Variants in PTN observed in about 807,000 individuals in gnomAD.
PTN encodes the protein heparin affin regulatory protein.
PTN carries 18 observed loss-of-function variants against 24.1 expected under a neutral mutation model. The ratio of observed to expected loss-of-function variants is 0.75; its 90% CI spans 0.52 to 1.11. The LOEUF (loss-of-function observed/expected upper bound fraction) is 1.11. Ranked by LOEUF, PTN falls within the 50% of genes least tolerant of loss-of-function variation. The pLI is 0.00. For synonymous variants in PTN, 78 were observed against 68.6 expected (o/e 1.14, Z -0.67); for missense variants, 163 against 198.8 (o/e 0.82, Z 1.08).
intron 1 of PTN, among the ~76,000 whole-genome samples, chr7:137,290,717 G>GC (rs1253171051): frequency 6.6e-6 from 1 of 152,060 alleles, no homozygotes; most frequent in Non-Finnish European, 1.5e-5. Flanking sequence ...TTGGAGGTGA[G>GC]CTGGGGTGGC....
At chr7:137,286,114 G>A (rs748524788) in intron 1 of PTN, among the ~76,000 whole-genome samples, 1 of 152,160 alleles carries the variant, frequency 6.6e-6, no homozygotes, top group African/African-American at 2.4e-5. Context: ...GTCATTTAGG[G>A]TGGAGTCAAA....
rs531029607 is a variant in PTN at position 137,239,687 on chromosome 7, G to A, written c.451+11543C>T. Among the ~76,000 whole-genome samples the A allele has an allele frequency of 1.4e-4, 21 of 152,200 alleles. No individual in the cohort carries two copies. In the South Asian group the frequency reaches 3.7e-3, roughly 27 times the overall value. ...GTTCTTGCGATAGTTTACTGAGAAT[G>A]ATGATTTCCAATTTCATCCATGTCC... On this transcript the variant is annotated intron_variant, in intron 4 of 4. Transcript: ENST00000348225.
At chr7:137,302,183 T>C (rs1809816718) in intron 1 of PTN, among the ~76,000 whole-genome samples, 1 of 152,020 alleles carries the variant, frequency 6.6e-6, no homozygotes, top group Non-Finnish European at 1.5e-5. Context: ...AACCATTTTG[T>C]GAAGCACACA....
chr7:137,288,024 A>G (rs572986278), intron 1 of PTN, among the ~76,000 whole-genome samples: 1 of 152,308 alleles, frequency 6.6e-6, no homozygotes, highest in Admixed American at 6.5e-5. Context: ...CCTTGACTAC[A>G]TCTTAGTGTC....
At chr7:137,263,664 A>G (rs1248796892) in intron 1 of PTN, among the ~76,000 whole-genome samples, 1 of 152,040 alleles carries the variant, frequency 6.6e-6, no homozygotes, top group Non-Finnish European at 1.5e-5. Flanking sequence ...ATTATTTTTG[A>G]ATTTTTTTAT....
chr7:137,315,762 C>G (rs546875147), intron 1 of PTN, among the ~76,000 whole-genome samples: 3 of 152,032 alleles, frequency 2.0e-5, no homozygotes, highest in African/African-American at 4.8e-5. Context: ...CATAGAAGGG[C>G]GGCTTTGGAG....
At chr7:137,250,406 A>G (rs1808803665) in intron 4 of PTN, among the ~76,000 whole-genome samples, 1 of 152,142 alleles carries the variant, frequency 6.6e-6, no homozygotes, top group African/African-American at 2.4e-5. Context: ...CTCCCTTCTT[A>G]TAAACACACC....
intron 1 of PTN, among the ~76,000 whole-genome samples, chr7:137,302,458 A>G (rs1392241181): frequency 3.3e-5 from 5 of 151,996 alleles, no homozygotes; most frequent in Non-Finnish European, 7.4e-5. Flanking sequence ...AAAAATCAGA[A>G]GGATAGATTA....
intron 1 of PTN, among the ~76,000 whole-genome samples, chr7:137,285,484 G>A (rs1045937272): frequency 5.3e-5 from 8 of 152,034 alleles, no homozygotes; most frequent in African/African-American, 1.2e-4. Context: ...TGGCCAACAC[G>A]GTAAAACCCC....
intron 4 of PTN, among the ~76,000 whole-genome samples, chr7:137,233,999 TAGAGAG>T (rs749369343): frequency 1.3e-5 from 2 of 150,336 alleles, no homozygotes; most frequent in Non-Finnish European, 3.0e-5. Flanking sequence ...CACACATACA[TAGAGAG>T]AGAGAGATTA....
chr7:137,314,162 A>G (rs1331886952), intron 1 of PTN, among the ~76,000 whole-genome samples: 2 of 152,194 alleles, frequency 1.3e-5, no homozygotes, highest in Non-Finnish European at 1.5e-5. Flanking sequence ...TCAGTGTTCA[A>G]CTATAAAGCA....
At chr7:137,260,565 T>C (rs555358397) in intron 1 of PTN, among the ~76,000 whole-genome samples, 1 of 152,294 alleles carries the variant, frequency 6.6e-6, no homozygotes, top group Non-Finnish European at 1.5e-5. Flanking sequence ...GCTTTTACTA[T>C]ACAGGATTAC....
At chr7:137,257,185 C>A (rs1306551699) in intron 1 of PTN, among the ~76,000 whole-genome samples, 1 of 152,152 alleles carries the variant, frequency 6.6e-6, no homozygotes, top group Non-Finnish European at 1.5e-5. Context: ...GAATCACAAG[C>A]CTAGATTAGC....
chr7:137,248,927 T>A (rs535227311), intron 4 of PTN, among the ~76,000 whole-genome samples: 2 of 152,312 alleles, frequency 1.3e-5, no homozygotes, highest in African/African-American at 4.8e-5. Context: ...TATTTACGTA[T>A]GAATATTACA....
chr7:137,314,554 A>G (rs1810037335), intron 1 of PTN, among the ~76,000 whole-genome samples: 2 of 148,386 alleles, frequency 1.3e-5, no homozygotes, highest in Non-Finnish European at 3.0e-5. Context: ...GCCTATTTTT[A>G]TGGTATTATC....
At chr7:137,319,872 A>C (rs572113902) in intron 1 of PTN, among the ~76,000 whole-genome samples, 1 of 152,282 alleles carries the variant, frequency 6.6e-6, no homozygotes, top group South Asian at 2.1e-4. Context: ...TGTAACATCC[A>C]AGGGCCAAAG....
chr7:137,269,000 G>C (rs1477623994), intron 1 of PTN, among the ~76,000 whole-genome samples: 1 of 152,038 alleles, frequency 6.6e-6, no homozygotes, highest in East Asian at 1.9e-4. Flanking sequence ...TCTGTTTCTT[G>C]AGCATATTCA....
In PTN at chr7:137,280,692, A is replaced by AAC. The variant is rs1563210728; in HGVS notation, c.-1-25719_-1-25718insGT. Among the ~76,000 whole-genome samples the AAC allele has an allele frequency of 1.5e-4, 13 of 86,526 alleles. 1 individual carries two copies. Among genetic ancestry groups the AAC allele is most frequent in the African/African-American group, 3.1e-4 (6 of 19,526 alleles). The allele number at this position is 86,526 out of a possible 152,430, so 56.8% of individuals were successfully genotyped here. On this transcript the variant is annotated intron_variant, in intron 1 of 4. Transcript: ENST00000348225. ...AACATGGCAAAACCCCGTCTCTACT[A>AAC]AAAATACAAAAAAAAAAAAAAAAAA...
chr7:137,272,822 C>T (rs976203630), intron 1 of PTN, among the ~76,000 whole-genome samples: 1 of 152,140 alleles, frequency 6.6e-6, no homozygotes, highest in African/African-American at 2.4e-5. Flanking sequence ...ACTGAAAGTC[C>T]ACTATAGTTC....
Sources: allele counts gnomAD v4.1 joint callset (sites outside exome capture counted in the v4.1 genomes callset), GRCh38; gene constraint gnomAD v4.1.1; transcripts MANE v1.5; gene names NCBI Gene and HGNC (gene_info 2026-07-23, HGNC 2026-07-21).